Variants in TBC1D5 observed in about 807,000 individuals in gnomAD.
The protein encoded by TBC1D5 is TBC1 domain family, member 5.
In TBC1D5, 75 loss-of-function variants were observed where a neutral mutation model predicts 100.3. The ratio of observed to expected loss-of-function variants is 0.75; its 90% confidence interval spans 0.62 to 0.91. The LOEUF (loss-of-function observed/expected upper bound fraction) is 0.91. Among genes scored for constraint, TBC1D5 ranks in the 40% least tolerant of loss-of-function variants. TBC1D5 has a pLI of 0.00. For synonymous variants in TBC1D5, 323 were observed against 325.6 expected (o/e 0.99, Z 0.09); for missense variants, 910 against 942.4 (o/e 0.97, Z 0.45).
At chr3:17,274,012 TA>T (rs34350746) in intron 15 of TBC1D5, among the ~76,000 whole-genome samples, 68,175 of 139,382 alleles carry the variant, frequency 0.49, 16,828 homozygotes, top group African/African-American at 0.62. Flanking sequence ...TGTATTTAAT[TA>T]AAAAAAAAAA....
intron 3 of TBC1D5, among the ~76,000 whole-genome samples, chr3:17,444,799 T>C (rs2094746611): frequency 6.6e-6 from 1 of 152,138 alleles, no homozygotes; most frequent in Non-Finnish European, 1.5e-5. Flanking sequence ...GCATTATATA[T>C]ATTCTATAAT....
At chr3:17,694,426 T>C (rs892504241) in intron 1 of TBC1D5, among the ~76,000 whole-genome samples, 2 of 152,178 alleles carry the variant, frequency 1.3e-5, no homozygotes, top group African/African-American at 4.8e-5. Flanking sequence ...ATGAAAACCA[T>C]GGCATGAGAA....
intron 13 of TBC1D5, among the ~76,000 whole-genome samples, chr3:17,363,755 C>T (rs2091910368): frequency 1.3e-5 from 2 of 151,862 alleles, no homozygotes; most frequent in Non-Finnish European, 2.9e-5. Flanking sequence ...ACTATATGTA[C>T]TGGCCATTGT....
intron 13 of TBC1D5, among the ~76,000 whole-genome samples, chr3:17,362,204 G>A (rs1369328021): frequency 6.6e-6 from 1 of 152,160 alleles, no homozygotes; most frequent in African/African-American, 2.4e-5. Flanking sequence ...AACATAATGT[G>A]TATGACTTGG....
chr3:17,504,815 A>C (rs140770586), intron 3 of TBC1D5, among the ~76,000 whole-genome samples: 1 of 152,310 alleles, frequency 6.6e-6, no homozygotes, highest in Non-Finnish European at 1.5e-5. Context: ...TCTTTTAATC[A>C]AATTTAAATC....
intron 2 of TBC1D5, among the ~76,000 whole-genome samples, chr3:17,517,536 A>G (rs375290799): frequency 6.6e-6 from 1 of 152,250 alleles, no homozygotes; most frequent in Admixed American, 6.5e-5. Flanking sequence ...GGCAATGATT[A>G]TGATTAATCA....
chr3:17,596,316 T>A (rs1481923472), intron 2 of TBC1D5, among the ~76,000 whole-genome samples: 3 of 107,150 alleles, frequency 2.8e-5, no homozygotes, highest in Non-Finnish European at 6.5e-5. Flanking sequence ...CCAGCTTTCC[T>A]TTTTTTTTTT....
intron 2 of TBC1D5, among the ~76,000 whole-genome samples, chr3:17,611,585 T>G (rs868675157): frequency 6.6e-6 from 1 of 152,104 alleles, no homozygotes; most frequent in Non-Finnish European, 1.5e-5. Flanking sequence ...AAAAGCAAGA[T>G]GAAGATGGGG....
intron 13 of TBC1D5, among the ~76,000 whole-genome samples, chr3:17,338,259 C>A (rs2088253215): frequency 1.3e-5 from 2 of 152,086 alleles, no homozygotes; most frequent in Non-Finnish European, 2.9e-5. Context: ...ACTTTAGAAC[C>A]ATGTAAGATG....
chr3:17,730,361 T>A (rs1281268194), intron 1 of TBC1D5, among the ~76,000 whole-genome samples: 1 of 152,236 alleles, frequency 6.6e-6, no homozygotes, highest in African/African-American at 2.4e-5. Context: ...TAATGCTCTA[T>A]CAGTTCCTAG....
intron 14 of TBC1D5, among the ~76,000 whole-genome samples, chr3:17,300,057 A>C (rs1446468695): frequency 2.6e-5 from 4 of 152,130 alleles, no homozygotes; most frequent in African/African-American, 9.7e-5. Context: ...AAAGAAACCC[A>C]AAATAACAGA....
intron 3 of TBC1D5, among the ~76,000 whole-genome samples, chr3:17,492,394 G>T (rs2095650164): frequency 6.6e-6 from 1 of 151,628 alleles, no homozygotes; most frequent in African/African-American, 2.4e-5. Context: ...GTTGACTTAA[G>T]ATCTTCCTAG....
At chr3:17,584,967 T>G (rs2096723777) in intron 2 of TBC1D5, among the ~76,000 whole-genome samples, 1 of 152,166 alleles carries the variant, frequency 6.6e-6, no homozygotes, top group Non-Finnish European at 1.5e-5. Context: ...ACATTTATTT[T>G]TTCGACAGAG....
chr3:17,403,036 C>A, intron 8 of TBC1D5, 145 bp downstream of exon 8: 1 of 536,312 alleles, frequency 1.9e-6, no homozygotes. Context: ...CTTATTATCA[C>A]AATTTGTCAA....
intron 16 of TBC1D5, among the ~76,000 whole-genome samples, chr3:17,242,584 C>G (rs1272242089): frequency 1.3e-5 from 2 of 151,956 alleles, no homozygotes; most frequent in Non-Finnish European, 2.9e-5. Context: ...GCATTTAAAG[C>G]TACACATATG....
intron 1 of TBC1D5, among the ~76,000 whole-genome samples, chr3:17,691,713 AG>A (rs1346747772): frequency 6.6e-6 from 1 of 151,964 alleles, no homozygotes; most frequent in African/African-American, 2.4e-5. Context: ...GCTATTCAGG[AG>A]CCTGAGGCAG....
At chr3:17,225,654 C>T (rs1385170384) in intron 17 of TBC1D5, among the ~76,000 whole-genome samples, 2 of 151,772 alleles carry the variant, frequency 1.3e-5, no homozygotes, top group African/African-American at 2.4e-5. Flanking sequence ...AGTAGTGGTG[C>T]GTGCCTGTAG....
At chr3:17,625,864 A>C (rs2063008840) in intron 1 of TBC1D5, among the ~76,000 whole-genome samples, 1 of 152,138 alleles carries the variant, frequency 6.6e-6, no homozygotes, top group South Asian at 2.1e-4. Context: ...TTAACTAAAA[A>C]TTCCTAGTTG....
At chr3:17,638,366 T>C (rs1030187667) in intron 1 of TBC1D5, among the ~76,000 whole-genome samples, 1 of 152,124 alleles carries the variant, frequency 6.6e-6, no homozygotes, top group African/African-American at 2.4e-5. Flanking sequence ...AACTGCTTTT[T>C]GTCTCCATAA....
Sources: allele counts gnomAD v4.1 joint callset (sites outside exome capture counted in the v4.1 genomes callset), GRCh38; gene constraint gnomAD v4.1.1; transcripts MANE v1.5; gene names NCBI Gene and HGNC (gene_info 2026-07-23, HGNC 2026-07-21).